The following ASPH variants were observed in gnomAD, a reference collection of about 807,000 sequenced individuals.
ASPH encodes aspartyl/asparaginyl beta-hydroxylase.
A neutral mutation model predicts 118.4 loss-of-function variants in ASPH; 100 were observed. That is an observed-to-expected ratio of 0.84 (90% CI 0.72 to 1.00). The LOEUF is 1.00. Among genes scored for constraint, ASPH ranks in the 50% least tolerant of loss-of-function variants. The pLI is 0.00. For synonymous variants in ASPH, 315 were observed against 325.6 expected (o/e 0.97, Z 0.35); for missense variants, 920 against 919.5 (o/e 1.00, Z -0.01).
intron 3 of ASPH, chr8:61,664,717 GC>G: frequency 1.0e-6 from 1 of 986,092 alleles, no homozygotes; most frequent in Non-Finnish European, 1.2e-6. Flanking sequence ...CTGAGGAACG[GC>G]CCCCTGAAAG....
rs1269836286 is a variant in ASPH, at chr8:61,646,902, C to T, written c.491-24G>A. The T allele has an allele frequency of 3.1e-6, 5 of 1,613,186 alleles. No individual in the cohort carries two copies. The African/African-American group carries it at 5.3e-5, about 17-fold the overall frequency. Reference sequence around the variant, plus strand: ...AACTATGACAATGAACAAAGTGACACTGGCAACATACAACTGAGACATGAA... The same window carrying T: ...AACTATGACAATGAACAAAGTGACATTGGCAACATACAACTGAGACATGAA... On this transcript the variant is annotated intron_variant, in intron 5 of 24. Transcript: ENST00000379454.
intron 22 of ASPH, among the ~76,000 whole-genome samples, chr8:61,525,757 T>C (rs992727724): frequency 6.6e-5 from 10 of 152,284 alleles, no homozygotes; most frequent in African/African-American, 2.4e-4. Flanking sequence ...AATACACACA[T>C]GGATATACAC....
intron 14 of ASPH, among the ~76,000 whole-genome samples, chr8:61,587,713 A>G (rs1419770043): frequency 6.6e-6 from 1 of 152,202 alleles, no homozygotes; most frequent in African/African-American, 2.4e-5. Flanking sequence ...ATCTTTTCAT[A>G]TATCTTCATA....
intron 22 of ASPH, among the ~76,000 whole-genome samples, chr8:61,524,884 G>T (rs1208453104): frequency 2.6e-5 from 4 of 152,000 alleles, no homozygotes; most frequent in African/African-American, 9.7e-5. Context: ...CAAAGTACAA[G>T]GTGAACACAT....
intron 17 of ASPH, among the ~76,000 whole-genome samples, chr8:61,566,322 G>A (rs753231709): frequency 1.4e-4 from 21 of 152,254 alleles, no homozygotes; most frequent in South Asian, 1.0e-3. Context: ...AATTAGAAGT[G>A]GATCCTAAAG....
At chr8:61,625,487 T>G (rs1852423567) in intron 13 of ASPH, 1 of 985,192 alleles carries the variant, frequency 1.0e-6, no homozygotes, top group Admixed American at 6.1e-5. Context: ...GAAGAGACTA[T>G]AGCTATTATA....
intron 1 of ASPH, among the ~76,000 whole-genome samples, chr8:61,698,040 A>G (rs565765016): frequency 6.6e-6 from 1 of 152,196 alleles, no homozygotes; most frequent in Non-Finnish European, 1.5e-5. Context: ...GGCTTCAAGC[A>G]GTCCTCCCAC....
At chr8:61,540,263 G>A (rs1043655459) in intron 21 of ASPH, among the ~76,000 whole-genome samples, 5 of 152,174 alleles carry the variant, frequency 3.3e-5, no homozygotes, top group African/African-American at 1.2e-4. Context: ...CTCAGTGTTA[G>A]AGGTGGGGCC....
chr8:61,562,389 C>CTCTCTGTGTGTGTGTG, intron 18 of ASPH, among the ~76,000 whole-genome samples: 1 of 128,988 alleles, frequency 7.8e-6, no homozygotes, highest in East Asian at 2.4e-4. Context: ...GAAAGTGTGT[C>CTCTCTGTGTGTGTGTG]TGTGTGTGTG....
rs1376304095 is a variant in ASPH at position 61,646,867 on chromosome 8, C to T, written c.502G>A (p.Asp168Asn). ...MVHAEHVEGE[D>N]LQQEDGPTGE... ...GTGGGTCCATCTTCTTGTTGCAAGTCTTCTCCCTCAACTATGACAATGAAC... is the reference window on the plus strand; with the variant it reads ...GTGGGTCCATCTTCTTGTTGCAAGTTTTCTCCCTCAACTATGACAATGAAC... The change falls in exon 6 of 25, where the codon GAC becomes AAC. Residue 168 changes from aspartate (D) to asparagine (N), a missense_variant. Transcript: ENST00000379454. 6.2e-7 allele frequency: 1 copy of T among 1,613,806 alleles called. No homozygotes were observed. The highest frequency in any genetic ancestry group is 1.3e-5 in the African/African-American group (1 of 74,894).
chr8:61,672,716 C>T (rs1356291781), intron 3 of ASPH, among the ~76,000 whole-genome samples: 1 of 152,162 alleles, frequency 6.6e-6, no homozygotes, highest in Non-Finnish European at 1.5e-5. Context: ...TAATATCTAA[C>T]TCCTAAGTAT....
intron 14 of ASPH, among the ~76,000 whole-genome samples, chr8:61,608,321 G>C (rs905707167): frequency 4.6e-5 from 7 of 152,114 alleles, no homozygotes; most frequent in Admixed American, 2.0e-4. Flanking sequence ...TAGAACATGG[G>C]TCATGAGATG....
intron 14 of ASPH, among the ~76,000 whole-genome samples, chr8:61,590,804 T>C (rs574461788): frequency 6.6e-5 from 10 of 152,276 alleles, no homozygotes; most frequent in African/African-American, 2.4e-4. Flanking sequence ...CATGGTGTTT[T>C]ATCTTCCTGG....
chr8:61,586,669 A>C (rs1324296601), intron 14 of ASPH, among the ~76,000 whole-genome samples: 1 of 152,184 alleles, frequency 6.6e-6, no homozygotes, highest in East Asian at 1.9e-4. Flanking sequence ...AGGTTCCAAA[A>C]GGGTTAGTTA....
intron 3 of ASPH, chr8:61,676,390 G>C: frequency 7.1e-7 from 1 of 1,404,356 alleles, no homozygotes; most frequent in Non-Finnish European, 9.5e-7. Flanking sequence ...AGTGGAGGAA[G>C]GGTGATCTCA....
At chr8:61,532,642 A>G (rs1444285579) in intron 21 of ASPH, among the ~76,000 whole-genome samples, 1 of 152,162 alleles carries the variant, frequency 6.6e-6, no homozygotes, top group Non-Finnish European at 1.5e-5. Context: ...GGATTAGTCC[A>G]TTACATTATA....
intron 3 of ASPH, chr8:61,658,493 G>C (rs946239907): frequency 9.2e-5 from 14 of 152,122 alleles, no homozygotes; most frequent in Non-Finnish European, 1.9e-4. Flanking sequence ...GTAAGTTCAG[G>C]CACCTGGGAC....
chr8:61,691,391 C>G (rs1832602097), intron 1 of ASPH, among the ~76,000 whole-genome samples: 1 of 152,196 alleles, frequency 6.6e-6, no homozygotes, highest in African/African-American at 2.4e-5. Flanking sequence ...GGCCAAGCGT[C>G]CTTTCCCCCA....
chr8:61,638,127 C>T, intron 11 of ASPH, 124 bp from the exon 12 acceptor site: 1 of 1,189,236 alleles, frequency 8.4e-7, no homozygotes, highest in South Asian at 1.5e-5. Flanking sequence ...AAATTTGACT[C>T]TTTTTAAACT....
Sources: gnomAD v4.1 joint callset for allele counts (sites outside exome capture counted in the v4.1 genomes callset) on GRCh38, gnomAD v4.1.1 for gene constraint, MANE v1.5 for transcripts, NCBI Gene and HGNC (gene_info 2026-07-23, HGNC 2026-07-21) for gene names.